SYNE2: variants seen among roughly 807,000 people sequenced by gnomAD.
The protein encoded by SYNE2 is spectrin repeat containing nuclear envelope protein 2.
A neutral mutation model predicts 856.3 loss-of-function variants in SYNE2; 431 were observed. The ratio of observed to expected loss-of-function variants is 0.50; its 90% confidence interval spans 0.47 to 0.55. The LOEUF (loss-of-function observed/expected upper bound fraction) is 0.55. SYNE2 is among the 20% of genes least tolerant of loss of function. The pLI is 0.00. For synonymous variants in SYNE2, 2,923 were observed against 2,872.3 expected (o/e 1.02, Z -0.56); for missense variants, 8,129 against 8,023.2 (o/e 1.01, Z -0.50).
rs1555341102 is a variant in SYNE2 at position 63,814,799 on chromosome 14, C to CAT, written c.-304-37695_-304-37694dup. Among the ~76,000 whole-genome samples, 4 of 44,720 alleles carry CAT rather than the reference C, an allele frequency of 8.9e-5. No individual in the cohort carries two copies. The South Asian group carries it at 2.1e-3, about 24-fold the overall frequency. The allele number at this position is 44,720 out of a possible 152,430, so 29.3% of individuals were successfully genotyped here. A position where few individuals can be genotyped will look rare whatever the true frequency, so the allele number is the denominator to read the frequency against. On this transcript the variant is annotated intron_variant, in intron 1 of 23. Transcript: ENST00000674003. ...ATATCCATATATATCCATATATATC[C>CAT]ATATATATCCATATATATATCCATA...
At chr14:63,824,695 G>A (rs1416898865) in intron 1 of SYNE2, among the ~76,000 whole-genome samples, 1 of 151,404 alleles carries the variant, frequency 6.6e-6, no homozygotes, top group Admixed American at 6.6e-5. Context: ...AAACACAAAG[G>A]ATAAGGGCTG....
intron 2 of SYNE2, among the ~76,000 whole-genome samples, chr14:63,929,703 G>A (rs1043086884): frequency 6.6e-6 from 1 of 152,020 alleles, no homozygotes; most frequent in Non-Finnish European, 1.5e-5. Flanking sequence ...CACGGGAGGC[G>A]GAGGTTGCAG....
At chr14:64,032,987 G>C (rs966223602) in intron 45 of SYNE2, among the ~76,000 whole-genome samples, 1 of 151,920 alleles carries the variant, frequency 6.6e-6, no homozygotes, top group Non-Finnish European at 1.5e-5. Flanking sequence ...GGGCAACATA[G>C]GGAGATTTCA....
intron 1 of SYNE2, among the ~76,000 whole-genome samples, chr14:63,817,046 TTGA>T (rs1417380894): frequency 6.6e-6 from 1 of 152,196 alleles, no homozygotes; most frequent in African/African-American, 2.4e-5. Context: ...CATGCCTGAC[TTGA>T]TGATTCTTTA....
Position 64,101,855 on chromosome 14 carries a change from G to T in SYNE2, c.12382-77G>T, listed in dbSNP as rs112616086. On this transcript the variant is annotated intron_variant, in intron 63 of 115. Transcript: ENST00000555002. ...CTGATAAGTTGAGTCTGGTATAAAA[G>T]ACGTGAGTGAGTAGGGCACCGGTTA... The T allele has an allele frequency of 1.8e-3, 1,915 of 1,035,428 alleles. 23 individuals carry two copies. The African/African-American group carries it at 0.026, about 14-fold the overall frequency. 64.1% of individuals were successfully genotyped at this position (1,035,428 alleles called of 1,614,324 possible). A position where few individuals can be genotyped will look rare whatever the true frequency, so the allele number is the denominator to read the frequency against.
intron 1 of SYNE2, among the ~76,000 whole-genome samples, chr14:63,786,513 T>C (rs1308775461): frequency 1.3e-5 from 2 of 152,226 alleles, no homozygotes; most frequent in Non-Finnish European, 2.9e-5. Context: ...GTTTTGATGT[T>C]TACTGCCATG....
chr14:64,103,604 C>T (rs987769030), intron 64 of SYNE2, among the ~76,000 whole-genome samples: 5 of 152,124 alleles, frequency 3.3e-5, no homozygotes, highest in Non-Finnish European at 5.9e-5. Flanking sequence ...CTCAGGCCAA[C>T]TCTTTCCTTA....
At chr14:64,025,916 AAATT>A (rs1172740005) in intron 41 of SYNE2, among the ~76,000 whole-genome samples, 1 of 152,122 alleles carries the variant, frequency 6.6e-6, no homozygotes, top group African/African-American at 2.4e-5. Flanking sequence ...ACATTTTTAA[AAATT>A]AAAATTTAAT....
intron 1 of SYNE2, among the ~76,000 whole-genome samples, chr14:63,874,242 C>T (rs1248200477): frequency 6.6e-6 from 1 of 152,124 alleles, no homozygotes; most frequent in Non-Finnish European, 1.5e-5. Flanking sequence ...TATAGTTGCA[C>T]AAAAAGACGT....
chr14:63,864,748 G>T (rs1157954620), intron 1 of SYNE2, among the ~76,000 whole-genome samples: 3 of 152,058 alleles, frequency 2.0e-5, no homozygotes, highest in Admixed American at 6.5e-5. Context: ...GGGAGTGGGG[G>T]TAAAAAAGGA....
chr14:64,018,149 T>A (rs1021483840), intron 34 of SYNE2, among the ~76,000 whole-genome samples: 18 of 152,228 alleles, frequency 1.2e-4, no homozygotes, highest in Admixed American at 5.2e-4. Context: ...ATTGGTAGTA[T>A]GAAAAAGATG....
At chr14:63,935,683 A>G (rs1196341228) in intron 2 of SYNE2, among the ~76,000 whole-genome samples, 1 of 152,178 alleles carries the variant, frequency 6.6e-6, no homozygotes, top group Non-Finnish European at 1.5e-5. Context: ...ATTTGCTTCA[A>G]TATAGTAAAA....
At position 64,024,973 on chromosome 14, in the gene SYNE2, G is replaced by A. The variant is rs763900934; in HGVS notation, c.5902G>A (p.Gly1968Arg). ...GACTAATCAAGAAGAGAAATGGAAA[G>A]GAATGGAAGAACCAGGGGAGAAAAC... ...WLTNQEEKWK[G>R]MEEPGEKTEL... is the part of the protein sequence containing the mutation. Residue 1968 changes from glycine to arginine, a missense_variant, in exon 40 of 116, where the codon GGA becomes AGA. Coordinates refer to ENST00000555002, the MANE Select transcript of SYNE2 (RefSeq NM_182914.3). 2 of 1,613,968 alleles carry A rather than the reference G, an allele frequency of 1.2e-6. No homozygotes were observed. The highest frequency in any genetic ancestry group is 8.5e-7 in the Non-Finnish European group (1 of 1,179,904).
At chr14:64,074,271 G>A in intron 53 of SYNE2, 135 bp downstream of exon 53, 1 of 864,482 alleles carries the variant, frequency 1.2e-6, no homozygotes, top group Non-Finnish European at 2.0e-6. Context: ...CATAGGCAAA[G>A]GCCCTGTGGC....
Position 64,199,220 on chromosome 14 carries a change from A to G in SYNE2, c.18039-3581A>G, listed in dbSNP as rs141885990. ...TCTGGTCATGTTCTCTGACTGCAGC[A>G]AAATGATCCTGTATCTCCAGTATGT... is the stretch of plus-strand genomic sequence containing the variant. On this transcript the variant is annotated intron_variant, in intron 99 of 115. Coordinates refer to ENST00000555002, the MANE Select transcript of SYNE2 (RefSeq NM_182914.3). Among the ~76,000 whole-genome samples the G allele has an allele frequency of 6.7e-3, 1,019 of 152,336 alleles. 12 individuals are homozygous for G. Among genetic ancestry groups the G allele is most frequent in the South Asian group, 0.014 (67 of 4,828 alleles).
In SYNE2 at chr14:64,220,467, G is replaced by C; in HGVS notation, c.19891G>C (p.Ala6631Pro). The change falls in exon 111 of 116, where the codon GCA (alanine) becomes CCA (proline). Residue 6631 changes from alanine (A) to proline (P), a missense_variant. Physicochemically the swap from Ala to Pro is conservative, Grantham distance 27. Around this residue, in one of 3 missense-constraint regions of SYNE2, gnomAD observed 5,410 missense variants for 5,284.8 expected, o/e 1.02. Transcript: ENST00000555002. ...EILKAFDTYK[A>P]LVVSVNVSSK... ...ACTGAAAGCCTTTGACACTTACAAG[G>C]CATTAGTGGTCTCTGTCAACGTGAG... is the stretch of plus-strand genomic sequence containing the variant. 1 of 1,614,170 alleles carries C rather than the reference G, an allele frequency of 6.2e-7. No homozygotes were observed. Among genetic ancestry groups the C allele is most frequent in the Non-Finnish European group, 8.5e-7 (1 of 1,180,042 alleles).
At chr14:63,907,581 TC>T (rs2095423641) in intron 1 of SYNE2, among the ~76,000 whole-genome samples, 1 of 151,868 alleles carries the variant, frequency 6.6e-6, no homozygotes, top group South Asian at 2.1e-4. Context: ...ATTGCTATTA[TC>T]CTTTTTTTTT....
chr14:63,903,601 C>T (rs1296540584), intron 1 of SYNE2, among the ~76,000 whole-genome samples: 1 of 152,130 alleles, frequency 6.6e-6, no homozygotes, highest in African/African-American at 2.4e-5. Context: ...GTAGCTAGGA[C>T]TATAGGCATG....
rs1010525582 is a variant in SYNE2 at position 63,774,062 on chromosome 14, C to T, written c.-305+12076C>T. 5.9e-5 allele frequency among the ~76,000 whole-genome samples: 9 copies of T among 152,068 alleles called. No individual in the cohort carries two copies. In the East Asian group the frequency reaches 1.2e-3, roughly 20 times the overall value. ...AAAACTGAAGACAAGAGGCTGGGTG[C>T]GGTGGCTCATGCCTGTAATCCTGGC... On this transcript the variant is annotated intron_variant, in intron 1 of 23. Coordinates refer to the SYNE2 transcript ENST00000674003.
Sources: gnomAD v4.1 joint callset for allele counts (sites outside exome capture counted in the v4.1 genomes callset) on GRCh38, gnomAD v4.1.1 for gene constraint, gnomAD v4.1.1 regional missense constraint, MANE v1.5 for transcripts, NCBI Gene and HGNC (gene_info 2026-07-23, HGNC 2026-07-21) for gene names.